VCF1: variants seen among roughly 807,000 people sequenced by gnomAD.
The protein encoded by VCF1 is protein VCF1.
chr17:73,214,286 A>G, the VCF1 span, among the ~76,000 whole-genome samples: 108 of 150,928 alleles, frequency 7.2e-4, no homozygotes, highest in African/African-American at 2.6e-3. Context: ...GAGTGAAACC[A>G]GCATCAAATT....
the VCF1 span, among the ~76,000 whole-genome samples, chr17:73,222,502 G>A: frequency 6.6e-6 from 1 of 152,152 alleles, no homozygotes; most frequent in African/African-American, 2.4e-5. Flanking sequence ...CTAGGGCTGG[G>A]CGCGGTGGCT....
the VCF1 span, among the ~76,000 whole-genome samples, chr17:73,218,801 CGA>C: frequency 2.0e-5 from 3 of 151,982 alleles, no homozygotes; most frequent in Non-Finnish European, 2.9e-5. Context: ...GGGCGGATCA[CGA>C]GGTCAGGAGA....
At chr17:73,211,290 A>G in the VCF1 span, among the ~76,000 whole-genome samples, 1 of 152,030 alleles carries the variant, frequency 6.6e-6, no homozygotes, top group East Asian at 1.9e-4. Context: ...CAGCCTGGCC[A>G]ACATGGCAAA....
chr17:73,213,073 G>A, the VCF1 span, among the ~76,000 whole-genome samples: 4 of 151,768 alleles, frequency 2.6e-5, no homozygotes, highest in African/African-American at 7.3e-5. Context: ...GTGAAACCCC[G>A]TCTCTACTAA....
At chr17:73,208,734 C>T in the VCF1 span, 2 of 462,920 alleles carry the variant, frequency 4.3e-6, no homozygotes, top group African/African-American at 2.0e-5. Context: ...TCAATGAGAT[C>T]ATGTAAGCTG....
chr17:73,214,568 G>C, the VCF1 span, among the ~76,000 whole-genome samples: 1 of 152,146 alleles, frequency 6.6e-6, no homozygotes, highest in African/African-American at 2.4e-5. Flanking sequence ...AACTAAATTT[G>C]AAGTCTGTAT....
the VCF1 span, chr17:73,208,499 T>C: frequency 4.4e-6 from 7 of 1,599,750 alleles, no homozygotes; most frequent in Non-Finnish European, 6.0e-6. Context: ...CCACATTATT[T>C]CTTCTAAAGG....
the VCF1 span, among the ~76,000 whole-genome samples, chr17:73,228,729 GT>G: frequency 6.6e-6 from 1 of 152,176 alleles, no homozygotes; most frequent in Non-Finnish European, 1.5e-5. Context: ...CATTAAATGG[GT>G]GTGCTTTTAT....
chr17:73,228,196 G>A, the VCF1 span, among the ~76,000 whole-genome samples: 1 of 152,156 alleles, frequency 6.6e-6, no homozygotes, highest in Non-Finnish European at 1.5e-5. Context: ...AACGTTCTCC[G>A]GAGCAGCACA....
chr17:73,220,166 C>T, the VCF1 span, among the ~76,000 whole-genome samples: 1 of 152,024 alleles, frequency 6.6e-6, no homozygotes, highest in Non-Finnish European at 1.5e-5. Flanking sequence ...CTTAAAATAA[C>T]ATTTAAAAAA....
chr17:73,228,780 A>T, the VCF1 span, among the ~76,000 whole-genome samples: 10 of 152,330 alleles, frequency 6.6e-5, no homozygotes, highest in South Asian at 1.2e-3. Flanking sequence ...TCATCCTAAT[A>T]TGATCAGGGA....
At chr17:73,226,344 G>C in the VCF1 span, among the ~76,000 whole-genome samples, 24 of 152,332 alleles carry the variant, frequency 1.6e-4, no homozygotes, top group South Asian at 8.3e-4. Context: ...GAGTTACTTT[G>C]AATTGCTGGC....
At chr17:73,230,068 G>A in the VCF1 span, among the ~76,000 whole-genome samples, 1 of 151,852 alleles carries the variant, frequency 6.6e-6, no homozygotes, top group African/African-American at 2.4e-5. Flanking sequence ...ATGCCGAGGC[G>A]GGTGGATCCC....
the VCF1 span, among the ~76,000 whole-genome samples, chr17:73,217,727 G>A: frequency 3.8e-5 from 5 of 132,654 alleles, no homozygotes; most frequent in Non-Finnish European, 8.8e-5. Flanking sequence ...GCCGAGGCAG[G>A]TGGATTGCCT....
At chr17:73,207,712 A>G in the VCF1 span, 3 of 1,291,894 alleles carry the variant, frequency 2.3e-6, no homozygotes, top group East Asian at 5.5e-5. Flanking sequence ...TACGATGCCA[A>G]CTGTTAAGCC....
the VCF1 span, among the ~76,000 whole-genome samples, chr17:73,217,116 G>A: frequency 6.6e-6 from 1 of 152,228 alleles, no homozygotes; most frequent in Admixed American, 6.5e-5. Flanking sequence ...GATCAGTTGA[G>A]GCCAGGAGTT....
At chr17:73,227,131 T>C in the VCF1 span, 1 of 1,443,102 alleles carries the variant, frequency 6.9e-7, no homozygotes, top group Non-Finnish European at 9.4e-7. Context: ...ACTCAAGCAG[T>C]GAAAACAACA....
At chr17:73,208,259 T>G in the VCF1 span, 1 of 1,610,976 alleles carries the variant, frequency 6.2e-7, no homozygotes, top group Admixed American at 1.7e-5. Flanking sequence ...GGAGGGCGAG[T>G]GGGCAGGAGG....
chr17:73,231,363 C>T, the VCF1 span, among the ~76,000 whole-genome samples: 2 of 152,128 alleles, frequency 1.3e-5, no homozygotes, highest in African/African-American at 4.8e-5. Flanking sequence ...CAACTTAGTC[C>T]GGACTCTAGT....
Sources: allele counts gnomAD v4.1 joint callset (sites outside exome capture counted in the v4.1 genomes callset), GRCh38; gene constraint gnomAD v4.1.1; transcripts MANE v1.5; gene names NCBI Gene and HGNC (gene_info 2026-07-23, HGNC 2026-07-21).